The following PRICKLE2 variants were observed in gnomAD, a reference collection of about 807,000 sequenced individuals.
PRICKLE2 encodes prickle planar cell polarity protein 2.
A neutral mutation model predicts 81.4 loss-of-function variants in PRICKLE2; 21 were observed. The observed-to-expected ratio is 0.26, with a 90% CI of 0.18 to 0.37. The LOEUF (loss-of-function observed/expected upper bound fraction) is 0.37, where lower values mean the gene tolerates loss of function less well. Among genes scored for constraint, PRICKLE2 ranks in the 10% least tolerant of loss-of-function variants. The pLI is 1.00. For missense variants in PRICKLE2, 940 were observed against 1,109.0 expected, an observed-to-expected ratio of 0.85 and a Z score of 2.16; for synonymous variants, 456 against 421.5, an observed-to-expected ratio of 1.08 and a Z score of -1.00.
upstream of PRICKLE2, among the ~76,000 whole-genome samples, chr3:64,226,380 C>T (rs553187353): frequency 5.9e-5 from 9 of 152,168 alleles, no homozygotes; most frequent in African/African-American, 2.2e-4. Flanking sequence ...GTGTTCAAAT[C>T]CTGCCTTTCC....
intron 1 of PRICKLE2, among the ~76,000 whole-genome samples, chr3:64,204,168 C>T (rs1376722748): frequency 6.6e-6 from 1 of 152,114 alleles, no homozygotes; most frequent in African/African-American, 2.4e-5. Flanking sequence ...ATACACATAA[C>T]AAGCCTTTCA....
At chr3:64,181,978 T>C (rs775813654) in intron 2 of PRICKLE2, among the ~76,000 whole-genome samples, 12 of 152,132 alleles carry the variant, frequency 7.9e-5, no homozygotes, top group Non-Finnish European at 1.3e-4. Flanking sequence ...AAATGCTGAA[T>C]AACTGGAGCT....
chr3:64,186,334 A>G (rs915596771), intron 2 of PRICKLE2, among the ~76,000 whole-genome samples: 1 of 152,218 alleles, frequency 6.6e-6, no homozygotes, highest in Non-Finnish European at 1.5e-5. Flanking sequence ...AGAAGATGAG[A>G]TGAAAGTTTG....
intron 7 of PRICKLE2, among the ~76,000 whole-genome samples, chr3:64,112,737 G>A (rs1372494268): frequency 6.6e-6 from 1 of 152,136 alleles, no homozygotes; most frequent in Non-Finnish European, 1.5e-5. Context: ...CACAGAATGG[G>A]AGGAAATATT....
chr3:64,247,628 T>C (rs2107176855), intron 2 of PRICKLE2, among the ~76,000 whole-genome samples: 1 of 152,184 alleles, frequency 6.6e-6, no homozygotes, highest in East Asian at 1.9e-4. Flanking sequence ...TAAGACATTA[T>C]TTCAAAAGAA....
chr3:64,255,456 G>C (rs552061619), intron 2 of PRICKLE2, among the ~76,000 whole-genome samples: 89 of 152,204 alleles, frequency 5.8e-4, no homozygotes, highest in African/African-American at 3.1e-4. Flanking sequence ...AGGGAGCAAG[G>C]GTTTATACAA....
intron 2 of PRICKLE2, among the ~76,000 whole-genome samples, chr3:64,180,283 C>G (rs2078105435): frequency 6.6e-6 from 1 of 152,146 alleles, no homozygotes; most frequent in South Asian, 2.1e-4. Context: ...TGAGAGTTAT[C>G]TATGTATGTA....
chr3:64,229,648 A>T (rs1027534135), upstream of PRICKLE2, among the ~76,000 whole-genome samples: 5 of 152,152 alleles, frequency 3.3e-5, no homozygotes, highest in African/African-American at 9.7e-5. Flanking sequence ...TTAGATTACT[A>T]CCTTCTGGCC....
intron 2 of PRICKLE2, among the ~76,000 whole-genome samples, chr3:64,247,464 T>C (rs2079375419): frequency 6.6e-6 from 1 of 152,182 alleles, no homozygotes; most frequent in Admixed American, 6.5e-5. Flanking sequence ...AGACATTTCA[T>C]TTTGTAATCT....
intron 2 of PRICKLE2, among the ~76,000 whole-genome samples, chr3:64,235,950 G>A (rs992692013): frequency 2.0e-5 from 3 of 152,192 alleles, no homozygotes; most frequent in Admixed American, 6.5e-5. Flanking sequence ...TGGGGGAGGG[G>A]CAGTATGTGG....
In PRICKLE2 at chr3:64,224,968, T is replaced by C. The variant is rs1405378208; in HGVS notation, c.-99A>G. 1.0e-6 allele frequency: 1 copy of C among 985,248 alleles called. No homozygotes were observed. Among genetic ancestry groups the C allele is most frequent in the African/African-American group, 1.7e-5 (1 of 57,220 alleles). The allele number at this position is 985,248 out of a possible 1,614,324, so 61.0% of individuals were successfully genotyped here. A position where few individuals can be genotyped will look rare whatever the true frequency, so the allele number is the denominator to read the frequency against. ...AAGCTTCTGCCAGACCCTTGGAGCT[T>C]GTCAATTGTCCCAGTTCACTTTCTC... On this transcript the variant is annotated 5_prime_UTR_variant, in exon 1 of 8. Coordinates refer to ENST00000638394, the MANE Select transcript of PRICKLE2 (RefSeq NM_198859.4).
rs974176126 is a variant in PRICKLE2, at chr3:64,092,254, G to C, written c.*6797C>G. 3 of 152,212 alleles carry C rather than the reference G, an allele frequency of 2.0e-5. No homozygotes were observed. The highest frequency in any genetic ancestry group is 7.2e-5 in the African/African-American group (3 of 41,450). The allele number at this position is 152,212 out of a possible 1,614,324, so 9.4% of individuals were successfully genotyped here. ...GGCACAATTGCCATTTCCAGTTCAAGTTTTTATTCAAAAGCTCTTAGAATG... is the reference window on the plus strand; with the variant it reads ...GGCACAATTGCCATTTCCAGTTCAACTTTTTATTCAAAAGCTCTTAGAATG... On this transcript the variant is annotated 3_prime_UTR_variant, in exon 8 of 8. Coordinates refer to ENST00000638394, the MANE Select transcript of PRICKLE2 (RefSeq NM_198859.4).
chr3:64,233,714 A>G (rs1420786149), intron 2 of PRICKLE2, among the ~76,000 whole-genome samples: 1 of 152,218 alleles, frequency 6.6e-6, no homozygotes, highest in African/African-American at 2.4e-5. Flanking sequence ...TATAATTAAT[A>G]TACTATACAG....
rs1385802915 is a variant in PRICKLE2 at position 64,094,866 on chromosome 3, C to A, written c.*4185G>T. The A allele has an allele frequency of 6.6e-6, 1 of 152,642 alleles. No homozygotes were observed. Among genetic ancestry groups the A allele is most frequent in the Non-Finnish European group, 1.5e-5 (1 of 68,036 alleles). 9.5% of individuals were successfully genotyped at this position (152,642 alleles called of 1,614,324 possible). A position where few individuals can be genotyped will look rare whatever the true frequency, so the allele number is the denominator to read the frequency against. On this transcript the variant is annotated 3_prime_UTR_variant, in exon 8 of 8. Transcript: ENST00000638394. The stretch of plus-strand genomic sequence containing the variant: ...GTGGAGGCTTGGCTACTGAGTCTTG[C>A]ATATGCAAATGCTGTCTGCAGAGCC...
intron 1 of PRICKLE2, among the ~76,000 whole-genome samples, chr3:64,224,665 A>G (rs2079006465): frequency 6.6e-6 from 1 of 152,170 alleles, no homozygotes; most frequent in South Asian, 2.1e-4. Flanking sequence ...CTTCTTCTTA[A>G]GCATCAAGAT....
At chr3:64,145,426 A>C (rs890885872) in intron 7 of PRICKLE2, 1 of 150,516 alleles carries the variant, frequency 6.6e-6, no homozygotes, top group Non-Finnish European at 1.5e-5. Flanking sequence ...GAGTCTCACT[A>C]TGTTGCCCAG....
intron 7 of PRICKLE2, chr3:64,103,063 T>A (rs1308285879): frequency 6.6e-6 from 1 of 152,246 alleles, no homozygotes; most frequent in East Asian, 1.9e-4. Flanking sequence ...AGGTGTTGTT[T>A]GTTCTATTTT....
chr3:64,168,834 C>T (rs2077882445), intron 2 of PRICKLE2, among the ~76,000 whole-genome samples: 1 of 152,170 alleles, frequency 6.6e-6, no homozygotes, highest in Non-Finnish European at 1.5e-5. Flanking sequence ...ACACATTTTC[C>T]TTTGGTATTA....
At chr3:64,182,985 A>G (rs2078161281) in intron 2 of PRICKLE2, among the ~76,000 whole-genome samples, 1 of 152,216 alleles carries the variant, frequency 6.6e-6, no homozygotes, top group South Asian at 2.1e-4. Flanking sequence ...TATTATAATA[A>G]ATTTAAATGT....
Sources: allele counts gnomAD v4.1 joint callset (sites outside exome capture counted in the v4.1 genomes callset), GRCh38; gene constraint gnomAD v4.1.1; transcripts MANE v1.5; gene names NCBI Gene and HGNC (gene_info 2026-07-23, HGNC 2026-07-21).